Variants in PPFIA3 observed in about 807,000 individuals in gnomAD.
PPFIA3 encodes the protein liprin-alpha-3.
In PPFIA3, 26 loss-of-function variants were observed where a neutral mutation model predicts 145.8. That is an observed-to-expected ratio of 0.18 (90% confidence interval 0.13 to 0.25). PPFIA3 has a LOEUF of 0.25. Ranked by LOEUF, PPFIA3 falls within the 10% of genes least tolerant of loss-of-function variation. The probability of loss-of-function intolerance (pLI) is 1.00; values close to 1 mark genes in which losing one functional copy is unlikely to be tolerated. For synonymous variants in PPFIA3, 645 were observed against 661.4 expected, an observed-to-expected ratio of 0.98 and a Z score of 0.38; for missense variants, 1,008 against 1,587.8, an observed-to-expected ratio of 0.63 and a Z score of 6.21.
At chr19:49,137,358 C>G (rs1291903197) in intron 15 of PPFIA3, 1 of 154,162 alleles carries the variant, frequency 6.5e-6, no homozygotes, top group East Asian at 1.9e-4. Flanking sequence ...CACAGTGGCT[C>G]ACGCCTGTAA....
chr19:49,138,790 T>C (rs142797851), intron 16 of PPFIA3, among the ~76,000 whole-genome samples: 33 of 152,232 alleles, frequency 2.2e-4, no homozygotes, highest in Non-Finnish European at 4.1e-4. Context: ...GCCAACATGG[T>C]GAAACCCCCA....
At position 49,128,253 on chromosome 19, in the gene PPFIA3, G is replaced by A; in HGVS notation, c.241-114G>A. 1 of 1,491,940 alleles carries A rather than the reference G, an allele frequency of 6.7e-7. No individual in the cohort carries two copies. The highest frequency in any genetic ancestry group is 9.2e-7 in the Non-Finnish European group (1 of 1,083,688). The allele number at this position is 1,491,940 out of a possible 1,614,324, so 92.4% of individuals were successfully genotyped here. On this transcript the variant is annotated intron_variant, in intron 2 of 29. Coordinates refer to ENST00000334186, the MANE Select transcript of PPFIA3 (RefSeq NM_003660.4). The surrounding 1 kb of genome is among the most constrained non-coding windows in gnomAD (Gnocchi z 4.1). ...TTAATGGGCGGGGCCTGAGTGGCAA[G>A]GGACAGCGGGACTTAGCAGGGAGGG...
chr19:49,125,208 A>G (rs897554082), intron 1 of PPFIA3: 2 of 152,294 alleles, frequency 1.3e-5, no homozygotes, highest in Non-Finnish European at 2.9e-5. Flanking sequence ...ACCCAAGGGG[A>G]CAGGAACCCA....
rs76387132 is a variant in PPFIA3 at position 49,136,711 on chromosome 19, C to G, written c.1666-13C>G. On this transcript the variant is annotated splice_polypyrimidine_tract_variant and intron_variant, in intron 14 of 29. Transcript: ENST00000334186. Reference sequence around the variant, plus strand: ...CAGCCACCTAATGTCCCTCTGTCCCCACACAGGGATAGGATTGGGAGCGGT... The same window carrying G: ...CAGCCACCTAATGTCCCTCTGTCCCGACACAGGGATAGGATTGGGAGCGGT... 3.2e-3 allele frequency: 4,555 copies of G among 1,435,140 alleles called. 139 individuals are homozygous for G. In the African/African-American group the frequency reaches 0.058, roughly 18 times the overall value. 88.9% of individuals were successfully genotyped at this position (1,435,140 alleles called of 1,614,324 possible).
rs916721389 is a variant in PPFIA3 at position 49,139,795 on chromosome 19, C to T, written c.2204C>T (p.Ala735Val). ...ATGACCCAGGCCTTGGCACTGCAGG[C>T]GGGGTCCCTGGAAGATGGGGGACCC... Reference protein sequence around the residue: ...ERMTQALALQAGSLEDGGPPR... With the variant: ...ERMTQALALQVGSLEDGGPPR... Residue 735 changes from alanine to valine, a missense_variant, in exon 17 of 30, where the codon GCG becomes GTG. Transcript: ENST00000334186. 8.7e-6 allele frequency: 14 copies of T among 1,612,262 alleles called. No individual in the cohort carries two copies. The highest frequency in any genetic ancestry group is 2.7e-5 in the African/African-American group (2 of 74,900).
intron 21 of PPFIA3, among the ~76,000 whole-genome samples, chr19:49,143,442 C>T (rs1341415013): frequency 6.6e-6 from 1 of 151,978 alleles, no homozygotes. Context: ...GCGCTATCTC[C>T]GCTCACTGCA....
Position 49,150,121 on chromosome 19 carries a change from C to G in PPFIA3, c.3568C>G (p.Arg1190Gly). ...GSSRADGVSV[R>G]TYSC is the part of the protein sequence containing the mutation. ...TTCCCGGGCAGACGGCGTTTCGGTC[C>G]GGACCTATTCCTGCTAGTGCAGGCC... The change falls in exon 29 of 30, where the codon CGG becomes GGG. Residue 1190 changes from arginine to glycine, a missense_variant. Arg to Gly is a moderately radical substitution (Grantham distance 125). Around this residue, in one of 11 missense-constraint regions of PPFIA3, gnomAD observed 125 missense variants for 159.3 expected, o/e 0.78. Coordinates refer to ENST00000334186, the MANE Select transcript of PPFIA3 (RefSeq NM_003660.4). The G allele has an allele frequency of 6.2e-7, 1 of 1,611,008 alleles. No homozygotes were observed.
At position 49,133,135 on chromosome 19, in the gene PPFIA3, G is replaced by T. The variant is rs141749268; in HGVS notation, c.1014G>T (p.Ser338=). The T allele has an allele frequency of 1.2e-6, 2 of 1,603,932 alleles. No homozygotes were observed. Among genetic ancestry groups the T allele is most frequent in the African/African-American group, 1.3e-5 (1 of 74,690 alleles). The change falls in exon 8 of 30, where the codon TCG becomes TCT. Residue 338 remains serine (S), a synonymous_variant. Coordinates refer to ENST00000334186, the MANE Select transcript of PPFIA3 (RefSeq NM_003660.4). The surrounding 1 kb of genome is among the most constrained non-coding windows in gnomAD (Gnocchi z 7.2). ...KLENELASKE[S]LYRQSEEKSR... ...AGAACGAGTTAGCTAGCAAGGAGTC[G>T]TTGTATCGGCAGGTGGGGGCGCGGC...
chr19:49,149,204 C>T lies in PPFIA3; in HGVS notation c.3285+36C>T. The T allele has an allele frequency of 6.2e-7, 1 of 1,613,858 alleles. No homozygotes were observed. Among genetic ancestry groups the T allele is most frequent in the Admixed American group, 1.7e-5 (1 of 59,990 alleles). ...GCTGGGCCCGGAGCATGCTGGGCGT[C>T]CCCACCTCGCAGACTGCACGCTCCA... is the stretch of plus-strand genomic sequence containing the variant. On this transcript the variant is annotated intron_variant, in intron 26 of 29. Transcript: ENST00000334186. The surrounding 1 kb of genome is among the most constrained non-coding windows in gnomAD (Gnocchi z 5.7).
At position 49,148,289 on chromosome 19, in the gene PPFIA3, C is replaced by G; in HGVS notation, c.3011+31C>G. The stretch of plus-strand genomic sequence containing the variant: ...GGCTGCCTGGCCAGTGGGGACAGTC[C>G]AAAGGGAAGCCCCACCCCAGAGAGT... On this transcript the variant is annotated intron_variant, in intron 24 of 29. Coordinates refer to ENST00000334186, the MANE Select transcript of PPFIA3 (RefSeq NM_003660.4). 3 of 1,595,812 alleles carry G rather than the reference C, an allele frequency of 1.9e-6. No homozygotes were observed. In the South Asian group the frequency reaches 3.4e-5, roughly 18 times the overall value.
intron 21 of PPFIA3, among the ~76,000 whole-genome samples, chr19:49,145,446 T>A (rs1046074677): frequency 6.6e-6 from 1 of 152,220 alleles, no homozygotes; most frequent in African/African-American, 2.4e-5. Context: ...GAAAAGTGTC[T>A]GTCGTGTCCC....
At chr19:49,147,414 G>C (rs751349264) in intron 23 of PPFIA3, among the ~76,000 whole-genome samples, 6 of 152,042 alleles carry the variant, frequency 3.9e-5, no homozygotes, top group Admixed American at 3.9e-4. Flanking sequence ...AGCCAGGCGC[G>C]GTGGCTCATG....
rs779318346 is a variant in PPFIA3 at position 49,146,028 on chromosome 19, CTTGGGGGTGGCACTAACCTTCT to C, written c.2808+34_2808+55del. 2.5e-6 allele frequency: 4 copies of C among 1,612,134 alleles called. No individual in the cohort carries two copies. In the African/African-American group the frequency reaches 4.0e-5, roughly 16 times the overall value. On this transcript the variant is annotated intron_variant, in intron 22 of 29. Transcript: ENST00000334186. ...CCCGTGAGTGCCCCCTGCCGGCCGC[CTTGGGGGTGGCACTAACCTTCT>C]TTGGGGGTGGGGGCGGGGACCGAGT...
intron 1 of PPFIA3, among the ~76,000 whole-genome samples, chr19:49,125,939 T>TTTTTG (rs1555742317): frequency 2.0e-5 from 3 of 150,372 alleles, no homozygotes; most frequent in East Asian, 1.9e-4. Flanking sequence ...TTTTGTTTTT[T>TTTTTG]TTTGTTTGTT....
At position 49,139,847 on chromosome 19, in the gene PPFIA3, G is replaced by T; in HGVS notation, c.2240+16G>T. The T allele has an allele frequency of 1.2e-6, 2 of 1,610,398 alleles. No homozygotes were observed. The highest frequency in any genetic ancestry group is 1.7e-6 in the Non-Finnish European group (2 of 1,177,568). ...CACGGGGAAGGTCAGCAGGGACAAGGGATAGGGACAGGGAGAAGCTGGCTT... is the reference window on the plus strand; with the variant it reads ...CACGGGGAAGGTCAGCAGGGACAAGTGATAGGGACAGGGAGAAGCTGGCTT... On this transcript the variant is annotated intron_variant, in intron 17 of 29. Transcript: ENST00000334186.
intron 1 of PPFIA3, among the ~76,000 whole-genome samples, chr19:49,125,939 T>G (rs531491077): frequency 6.0e-5 from 9 of 150,480 alleles, no homozygotes; most frequent in East Asian, 3.9e-4. Flanking sequence ...TTTTGTTTTT[T>G]TTTGTTTGTT....
chr19:49,141,590 G>A (rs2041223548), intron 19 of PPFIA3, 77 bp downstream of exon 19: 1 of 1,157,190 alleles, frequency 8.6e-7, no homozygotes, highest in Non-Finnish European at 1.2e-6. Flanking sequence ...GTGCGTGTAT[G>A]TGTGTGTATG....
intron 16 of PPFIA3, 140 bp downstream of exon 16, chr19:49,138,567 CAA>C (rs3032696): frequency 0.38 from 228,641 of 604,174 alleles, 44,660 homozygotes; most frequent in Non-Finnish European, 0.42. Context: ...GGTTCAAACT[CAA>C]AGGGCAAAGG....
intron 15 of PPFIA3, 111 bp downstream of exon 15, chr19:49,137,022 A>C: frequency 9.3e-7 from 1 of 1,073,570 alleles, no homozygotes; most frequent in Non-Finnish European, 1.3e-6. Flanking sequence ...CACCATCCAC[A>C]AGGAATTCTT....
Sources: allele counts gnomAD v4.1 joint callset (sites outside exome capture counted in the v4.1 genomes callset), GRCh38; gene constraint gnomAD v4.1.1; regional missense constraint gnomAD v4.1.1; non-coding constraint Gnocchi (gnomAD v3.1); transcripts MANE v1.5; gene names NCBI Gene and HGNC (gene_info 2026-07-23, HGNC 2026-07-21).